Variants in PIGK observed in about 807,000 individuals in gnomAD.
PIGK encodes phosphatidylinositol glycan anchor biosynthesis class K.
In PIGK, 42 loss-of-function variants were observed where a neutral mutation model predicts 50.6. The observed-to-expected ratio is 0.83, with a 90% CI of 0.65 to 1.07. The LOEUF (loss-of-function observed/expected upper bound fraction) is 1.07. PIGK is among the 50% of genes least tolerant of loss of function. PIGK has a pLI of 0.00. For synonymous variants in PIGK, 151 were observed against 156.0 expected, an observed-to-expected ratio of 0.97 and a Z score of 0.24; for missense variants, 448 against 488.7, an observed-to-expected ratio of 0.92 and a Z score of 0.78.
At chr1:77,180,573 T>A (rs1010653612) in intron 3 of PIGK, among the ~76,000 whole-genome samples, 5 of 152,050 alleles carry the variant, frequency 3.3e-5, no homozygotes, top group African/African-American at 1.2e-4. Context: ...CCTCAGGAGG[T>A]CCTACCAACA....
intron 3 of PIGK, among the ~76,000 whole-genome samples, chr1:77,178,847 C>T (rs940243609): frequency 2.6e-5 from 4 of 152,134 alleles, no homozygotes; most frequent in African/African-American, 4.8e-5. Flanking sequence ...ATGAGGACAC[C>T]GTAACCTATG....
At chr1:77,150,318 G>C (rs763500083) in intron 9 of PIGK, among the ~76,000 whole-genome samples, 85 of 151,866 alleles carry the variant, frequency 5.6e-4, no homozygotes, top group Non-Finnish European at 2.6e-4. Context: ...AGGAGTTCAA[G>C]ACCAGCCTAG....
intron 3 of PIGK, among the ~76,000 whole-genome samples, chr1:77,202,251 T>C (rs1474766497): frequency 2.0e-5 from 3 of 152,134 alleles, no homozygotes; most frequent in Non-Finnish European, 4.4e-5. Context: ...TGCAACAACA[T>C]ACCAAAGAAT....
intron 9 of PIGK, among the ~76,000 whole-genome samples, chr1:77,128,868 A>G (rs970722001): frequency 2.0e-5 from 3 of 152,170 alleles, no homozygotes; most frequent in African/African-American, 7.2e-5. Flanking sequence ...GTGACCTGTC[A>G]CCTGTTTCTG....
Position 77,219,348 on chromosome 1 carries a change from G to A in PIGK, c.55C>T (p.Leu19Phe). ...RAATVLATVLLLSFGSVAASH... is the reference protein window; with the variant it reads ...RAATVLATVLFLSFGSVAASH... ...GCGGCCACGCTGCCGAAGGACAAGA[G>A]CAACACAGTTGCCAAGACAGTCGCA... The change falls in exon 1 of 11, where the codon CTC becomes TTC. Residue 19 changes from leucine to phenylalanine, a missense_variant. Transcript: ENST00000370812. The A allele has an allele frequency of 6.2e-7, 1 of 1,613,870 alleles. No homozygotes were observed. Among genetic ancestry groups the A allele is most frequent in the Non-Finnish European group, 8.5e-7 (1 of 1,179,836 alleles).
intron 3 of PIGK, among the ~76,000 whole-genome samples, chr1:77,190,279 T>C (rs967620700): frequency 1.3e-5 from 2 of 152,096 alleles, no homozygotes; most frequent in African/African-American, 4.8e-5. Flanking sequence ...CGCATGGCTG[T>C]AGTCCTAGCT....
At chr1:77,162,899 A>G (rs1184076813) in intron 6 of PIGK, among the ~76,000 whole-genome samples, 2 of 152,200 alleles carry the variant, frequency 1.3e-5, no homozygotes, top group African/African-American at 4.8e-5. Context: ...CCATTTGGGC[A>G]TGAATCCTAG....
At chr1:77,111,930 G>T (rs1477013171) in intron 10 of PIGK, among the ~76,000 whole-genome samples, 1 of 151,834 alleles carries the variant, frequency 6.6e-6, no homozygotes, top group Non-Finnish European at 1.5e-5. Flanking sequence ...TATAGAATTG[G>T]TAAATAAAAA....
intron 4 of PIGK, among the ~76,000 whole-genome samples, chr1:77,167,496 C>T (rs1449716311): frequency 6.6e-6 from 1 of 152,232 alleles, no homozygotes. Context: ...GTAATTCCAA[C>T]TTCTCAGGAG....
chr1:77,133,100 TCTTC>T (rs1654415255), intron 9 of PIGK, among the ~76,000 whole-genome samples: 1 of 152,192 alleles, frequency 6.6e-6, no homozygotes, highest in Non-Finnish European at 1.5e-5. Flanking sequence ...TATTGTCTGT[TCTTC>T]CTTATTTTCA....
chr1:77,162,812 G>T (rs1655158415), intron 6 of PIGK, among the ~76,000 whole-genome samples: 1 of 152,152 alleles, frequency 6.6e-6, no homozygotes, highest in Admixed American at 6.5e-5. Context: ...AAAATATGTG[G>T]AGGCTCCTAT....
At chr1:77,122,906 G>A (rs1332597571) in intron 9 of PIGK, among the ~76,000 whole-genome samples, 2 of 151,808 alleles carry the variant, frequency 1.3e-5, no homozygotes, top group Admixed American at 6.6e-5. Flanking sequence ...TCGCCATCTA[G>A]GTATATTATT....
At chr1:77,161,212 T>C (rs1655120529) in intron 8 of PIGK, 83 bp downstream of exon 8, 5 of 735,710 alleles carry the variant, frequency 6.8e-6, no homozygotes, top group Admixed American at 3.9e-5. Context: ...CAAGATCCTC[T>C]AGGAGTGCAG....
At chr1:77,206,328 A>T (rs1218251866) in intron 3 of PIGK, among the ~76,000 whole-genome samples, 1 of 152,188 alleles carries the variant, frequency 6.6e-6, no homozygotes, top group Non-Finnish European at 1.5e-5. Flanking sequence ...TGAATCAATC[A>T]GAATTGCACT....
At chr1:77,129,709 A>C in intron 9 of PIGK, 1 of 1,021,444 alleles carries the variant, frequency 9.8e-7, no homozygotes, top group East Asian at 2.8e-5. Context: ...GAAAAATAAA[A>C]AATAAAAATA....
chr1:77,112,238 A>G (rs968504120), intron 10 of PIGK, among the ~76,000 whole-genome samples: 1 of 151,788 alleles, frequency 6.6e-6, no homozygotes, highest in Admixed American at 6.6e-5. Flanking sequence ...GATAATCTTA[A>G]CTCTTATCAG....
intron 1 of PIGK, among the ~76,000 whole-genome samples, chr1:77,214,368 T>C (rs1656499102): frequency 6.6e-6 from 1 of 152,144 alleles, no homozygotes; most frequent in African/African-American, 2.4e-5. Context: ...TCAATATACA[T>C]GATGTATCAC....
intron 5 of PIGK, among the ~76,000 whole-genome samples, chr1:77,166,021 T>G (rs1164590741): frequency 6.6e-6 from 1 of 152,062 alleles, no homozygotes; most frequent in Non-Finnish European, 1.5e-5. Context: ...CATAAGCAAA[T>G]GCAAGAGCTT....
intron 9 of PIGK, among the ~76,000 whole-genome samples, chr1:77,143,933 T>C (rs1413575172): frequency 6.6e-6 from 1 of 152,078 alleles, no homozygotes; most frequent in East Asian, 1.9e-4. Flanking sequence ...AGTGCTTCAC[T>C]ATATTTGAGG....
Sources: allele counts gnomAD v4.1 joint callset (sites outside exome capture counted in the v4.1 genomes callset), GRCh38; gene constraint gnomAD v4.1.1; transcripts MANE v1.5; gene names NCBI Gene and HGNC (gene_info 2026-07-23, HGNC 2026-07-21).